Variants in FGF13 observed in about 807,000 individuals in gnomAD.
FGF13 encodes the protein fibroblast growth factor 13, also known as fibroblast growth factor homologous factor 2.
FGF13 carries 2 observed loss-of-function variants against 19.5 expected under a neutral mutation model. That is an observed-to-expected ratio of 0.10 (90% CI 0.04 to 0.32). The LOEUF (loss-of-function observed/expected upper bound fraction) is 0.32. FGF13 is among the 10% of genes least tolerant of loss of function. The pLI is 1.00. For missense variants in FGF13, 113 were observed against 192.7 expected (o/e 0.59, Z 2.45); for synonymous variants, 72 against 76.9 (o/e 0.94, Z 0.33).
chrX:139,152,293 C>T (rs984887831), intron 1 of FGF13, among the ~76,000 whole-genome samples: 7 of 92,419 alleles, frequency 7.6e-5, no homozygotes, highest in African/African-American at 2.0e-4. Context: ...GGCCCCGGGG[C>T]GATTACCGAT....
chrX:138,848,687 G>C (rs1376169504), intron 3 of FGF13, among the ~76,000 whole-genome samples: 1 of 111,405 alleles, frequency 9.0e-6, no homozygotes, highest in East Asian at 2.8e-4. Context: ...TTCTTTGTTT[G>C]TTTGTTTGAT....
At chrX:139,082,354 G>A (rs2083376189) in intron 1 of FGF13, among the ~76,000 whole-genome samples, 1 of 111,713 alleles carries the variant, frequency 9.0e-6, no homozygotes, top group Admixed American at 9.6e-5. Flanking sequence ...CCCATCTGCA[G>A]TGAGTTTATT....
intron 3 of FGF13, among the ~76,000 whole-genome samples, chrX:138,702,191 A>T (rs17538872): frequency 0.019 from 2,059 of 110,224 alleles, 26 homozygotes; most frequent in African/African-American, 0.044. Flanking sequence ...ATAAATAAAT[A>T]AATAAATTAA....
rs1305377969 is a variant in FGF13, at chrX:138,735,055, T to C, written c.28+4187A>G. Reference sequence around the variant, plus strand: ...GCCTCCAACTAGTTGGCATTCAAAGTGAAGCCAGTAAAAGTTTTGATATAA... The same window carrying C: ...GCCTCCAACTAGTTGGCATTCAAAGCGAAGCCAGTAAAAGTTTTGATATAA... On this transcript the variant is annotated intron_variant, in intron 1 of 4. Transcript: ENST00000305414. Among the ~76,000 whole-genome samples, 3 of 111,985 alleles carry C rather than the reference T, an allele frequency of 2.7e-5. No homozygotes were observed. The East Asian group carries it at 8.5e-4, about 32-fold the overall frequency.
chrX:139,178,624 T>C (rs748249500), intron 1 of FGF13, among the ~76,000 whole-genome samples: 46 of 112,367 alleles, frequency 4.1e-4, no homozygotes, highest in African/African-American at 1.5e-3. Flanking sequence ...CAGATTCAGA[T>C]TGTGATTATG....
chrX:139,190,665 G>T (rs1472034369), intron 1 of FGF13, among the ~76,000 whole-genome samples: 1 of 112,126 alleles, frequency 8.9e-6, no homozygotes, highest in Non-Finnish European at 1.9e-5. Context: ...GGTGATTAAG[G>T]CTGCAGAACA....
intron 1 of FGF13, chrX:139,203,356 T>C (rs2084432006): frequency 1.8e-5 from 2 of 110,677 alleles, no homozygotes; most frequent in African/African-American, 6.6e-5. Context: ...TCCTGGGGCT[T>C]GGCGAGGCTG....
intron 3 of FGF13, among the ~76,000 whole-genome samples, chrX:138,785,652 T>A (rs1033505293): frequency 8.9e-6 from 1 of 112,305 alleles, no homozygotes; most frequent in African/African-American, 3.2e-5. Flanking sequence ...ATTCTCATAG[T>A]TCTATTTCTA....
In FGF13 at chrX:139,035,783, C is replaced by A. The variant is rs192291702; in HGVS notation, c.-113+167633G>T. On this transcript the variant is annotated intron_variant, in intron 1 of 2. Coordinates refer to the FGF13 transcript ENST00000421460. ...AGGAGCATTTCAGGGACATAGCTCT[C>A]TGATGTGCTCATTTCATTCAGAAAG... Among the ~76,000 whole-genome samples the A allele has an allele frequency of 1.7e-4, 19 of 111,204 alleles. No individual in the cohort carries two copies. In the East Asian group the frequency reaches 5.2e-3, roughly 30 times the overall value.
chrX:139,081,732 C>T (rs1374844295), intron 1 of FGF13, among the ~76,000 whole-genome samples: 1 of 111,189 alleles, frequency 9.0e-6, no homozygotes, highest in Admixed American at 9.6e-5. Context: ...TCCTCTCTCT[C>T]TCTCTCTCTT....
intron 1 of FGF13, among the ~76,000 whole-genome samples, chrX:139,042,257 A>G (rs1006604678): frequency 5.4e-5 from 6 of 112,125 alleles, no homozygotes; most frequent in Non-Finnish European, 9.4e-5. Flanking sequence ...TGTGGCCCAC[A>G]CTAATGTGAT....
intron 3 of FGF13, among the ~76,000 whole-genome samples, chrX:138,847,621 G>C (rs1383093520): frequency 9.0e-6 from 1 of 111,477 alleles, no homozygotes; most frequent in Non-Finnish European, 1.9e-5. Context: ...CTTTCACAGT[G>C]GTCATTATTG....
At position 138,933,101 on chromosome X, in the gene FGF13, G is replaced by A. The variant is rs766615321; in HGVS notation, c.-112-68451C>T. ...AAAATTTCAGAAATATTTTCATCAT[G>A]TCAATGTCCAGCTCAAAACTTGTAC... is the stretch of plus-strand genomic sequence containing the variant. On this transcript the variant is annotated intron_variant, in intron 1 of 2. Transcript: ENST00000421460. Among the ~76,000 whole-genome samples the A allele has an allele frequency of 1.4e-4, 16 of 111,187 alleles. No homozygotes were observed. The South Asian group carries it at 5.8e-3, about 40-fold the overall frequency.
chrX:138,698,062 A>G (rs1029266728), intron 3 of FGF13, among the ~76,000 whole-genome samples: 1 of 110,854 alleles, frequency 9.0e-6, no homozygotes, highest in Non-Finnish European at 1.9e-5. Flanking sequence ...TATCATGGAC[A>G]AAAGTAAATA....
chrX:139,042,951 C>T (rs2092275158), intron 1 of FGF13, among the ~76,000 whole-genome samples: 1 of 111,309 alleles, frequency 9.0e-6, no homozygotes, highest in Non-Finnish European at 1.9e-5. Context: ...ACAATGTTTG[C>T]CACAATTTTT....
chrX:138,948,260 T>C (rs2091792025), intron 1 of FGF13, among the ~76,000 whole-genome samples: 1 of 111,596 alleles, frequency 9.0e-6, no homozygotes, highest in Admixed American at 9.6e-5. Context: ...ATTCTGATGA[T>C]ATGCCTGGAA....
At chrX:138,707,201 C>T (rs979810572) in intron 2 of FGF13, among the ~76,000 whole-genome samples, 10 of 111,384 alleles carry the variant, frequency 9.0e-5, no homozygotes, top group African/African-American at 3.3e-4. Flanking sequence ...AAAATGATTA[C>T]TTAGAATGTG....
chrX:138,833,821 T>G (rs1478984664), intron 3 of FGF13, among the ~76,000 whole-genome samples: 1 of 111,954 alleles, frequency 8.9e-6, no homozygotes, highest in Non-Finnish European at 1.9e-5. Flanking sequence ...TATTATTTTG[T>G]GGTATATTCC....
intron 2 of FGF13, among the ~76,000 whole-genome samples, chrX:138,859,863 A>G (rs922441313): frequency 2.7e-5 from 3 of 112,010 alleles, no homozygotes; most frequent in Non-Finnish European, 5.6e-5. Flanking sequence ...TTCTTTCTTC[A>G]AATTGAATTT....
Sources: allele counts gnomAD v4.1 joint callset (sites outside exome capture counted in the v4.1 genomes callset), GRCh38; gene constraint gnomAD v4.1.1; transcripts MANE v1.5; gene names NCBI Gene and HGNC (gene_info 2026-07-23, HGNC 2026-07-21).